LINGO1: variants seen among roughly 807,000 people sequenced by gnomAD.
The protein encoded by LINGO1 is leucine-rich repeat and immunoglobulin-like domain-containing nogo receptor-interacting protein 1.
In LINGO1, 11 loss-of-function variants were observed where a neutral mutation model predicts 37.3. The ratio of observed to expected loss-of-function variants is 0.29; its 90% confidence interval spans 0.19 to 0.49. LINGO1 has a LOEUF of 0.49. LINGO1 is among the 20% of genes least tolerant of loss of function. LINGO1 has a pLI of 0.99. For missense variants in LINGO1, 585 were observed against 878.2 expected (o/e 0.67, Z 4.22); for synonymous variants, 387 against 403.0 (o/e 0.96, Z 0.48).
In LINGO1 at chr15:77,615,091, G is replaced by A; in HGVS notation, c.816C>T (p.His272=). The A allele has an allele frequency of 1.2e-6, 2 of 1,614,060 alleles. No individual in the cohort carries two copies. The highest frequency in any genetic ancestry group is 1.7e-6 in the Non-Finnish European group (2 of 1,179,908). The change falls in exon 2 of 2, where the codon CAC becomes CAT. Residue 272 remains histidine (H), a synonymous_variant. Coordinates refer to ENST00000355300, the MANE Select transcript of LINGO1 (RefSeq NM_032808.7). ...GGTAGGGCACAGCGGTCAGATTGCA[G>A]TGTGTGATGGACAGGGACGTCAGGT... ...GLNLTSLSIT[H]CNLTAVPYLA...
Position 77,692,442 on chromosome 15 carries a change from C to A in LINGO1, c.-280-1541G>T, listed in dbSNP as rs139640301. On this transcript the variant is annotated intron_variant, in intron 1 of 3. Transcript: ENST00000559893. Reference sequence around the variant, plus strand: ...GGAGAGTTTTTCTCCTTTTTAATTTCATGGCAAATCTTTTGTATGGCAATT... The same window carrying A: ...GGAGAGTTTTTCTCCTTTTTAATTTAATGGCAAATCTTTTGTATGGCAATT... Among the ~76,000 whole-genome samples, 701 of 152,272 alleles carry A rather than the reference C, an allele frequency of 4.6e-3. 7 individuals are homozygous for A. Among genetic ancestry groups the A allele is most frequent in the African/African-American group, 0.016 (675 of 41,548 alleles).
chr15:77,723,798 G>A (rs2076074641), intron 2 of LINGO1, among the ~76,000 whole-genome samples: 1 of 152,198 alleles, frequency 6.6e-6, no homozygotes, highest in Non-Finnish European at 1.5e-5. Flanking sequence ...CCCCAGCTGG[G>A]GGGCATCAGG....
At chr15:77,810,459 C>T (rs1018028065) in intron 1 of LINGO1, among the ~76,000 whole-genome samples, 2 of 152,178 alleles carry the variant, frequency 1.3e-5, no homozygotes, top group South Asian at 2.1e-4. Flanking sequence ...GCAGCCCTTC[C>T]GCAGCTGATC....
chr15:77,681,938 G>A (rs561511507), intron 2 of LINGO1, among the ~76,000 whole-genome samples: 5 of 152,218 alleles, frequency 3.3e-5, no homozygotes, highest in East Asian at 3.9e-4. Context: ...ACACGCCCTC[G>A]AGGAGGGTAC....
At chr15:77,692,248 T>C (rs2075617019) in intron 1 of LINGO1, among the ~76,000 whole-genome samples, 1 of 152,208 alleles carries the variant, frequency 6.6e-6, no homozygotes, top group African/African-American at 2.4e-5. Context: ...GAGGGAACAA[T>C]GATTACCTCT....
chr15:77,626,835 T>C (rs1748366516), intron 1 of LINGO1, among the ~76,000 whole-genome samples: 1 of 152,122 alleles, frequency 6.6e-6, no homozygotes, highest in African/African-American at 2.4e-5. Flanking sequence ...GCTGAGACCA[T>C]GGATCAAGGC....
At chr15:77,800,577 TA>T (rs563431737) in intron 1 of LINGO1, among the ~76,000 whole-genome samples, 222 of 152,318 alleles carry the variant, frequency 1.5e-3, no homozygotes, top group Non-Finnish European at 2.8e-3. Flanking sequence ...GGAAGGAGCC[TA>T]CAAACCAGGG....
intron 2 of LINGO1, among the ~76,000 whole-genome samples, chr15:77,725,074 G>A (rs1231987231): frequency 6.6e-6 from 1 of 152,208 alleles, no homozygotes; most frequent in Non-Finnish European, 1.5e-5. Context: ...TTTCCTGATG[G>A]TGGGGCTCCC....
chr15:77,635,581 T>C (rs770194246), upstream of LINGO1, among the ~76,000 whole-genome samples: 8 of 147,002 alleles, frequency 5.4e-5, no homozygotes, highest in Non-Finnish European at 1.2e-4. Context: ...CAGGGGATCA[T>C]GTCCAGGAGC....
chr15:77,705,178 C>G (rs2141282050), intron 2 of LINGO1, among the ~76,000 whole-genome samples: 1 of 146,852 alleles, frequency 6.8e-6, no homozygotes, highest in East Asian at 2.0e-4. Flanking sequence ...TGCCATGACA[C>G]ACACACACAC....
intron 1 of LINGO1, among the ~76,000 whole-genome samples, chr15:77,621,066 T>TTTTTC (rs1290045303): frequency 2.6e-5 from 4 of 151,902 alleles, no homozygotes; most frequent in African/African-American, 9.7e-5. Context: ...GCCTTTTTTT[T>TTTTTC]TTCTTTTAGA....
At chr15:77,724,636 C>T (rs888450518) in intron 2 of LINGO1, among the ~76,000 whole-genome samples, 1 of 152,174 alleles carries the variant, frequency 6.6e-6, no homozygotes, top group Non-Finnish European at 1.5e-5. Flanking sequence ...AGGTCAGCAC[C>T]CACTTCATGG....
chr15:77,728,082 T>C (rs1164325240), intron 2 of LINGO1, among the ~76,000 whole-genome samples: 1 of 152,204 alleles, frequency 6.6e-6, no homozygotes, highest in African/African-American at 2.4e-5. Context: ...GAGCCCCAGG[T>C]CAGGGCTGTG....
intron 1 of LINGO1, 135 bp from the exon 2 acceptor site, chr15:77,616,035 T>C: frequency 1.7e-6 from 1 of 582,682 alleles, no homozygotes; most frequent in Non-Finnish European, 2.8e-6. Flanking sequence ...AGGGTCCAGA[T>C]GCCCAGGCCA....
chr15:77,684,908 C>G (rs1448150236), intron 2 of LINGO1, among the ~76,000 whole-genome samples: 1 of 152,116 alleles, frequency 6.6e-6, no homozygotes, highest in South Asian at 2.1e-4. Context: ...AGGGGCTGGG[C>G]AACAAGCTCG....
At chr15:77,638,528 G>A (rs1418856237), upstream of LINGO1, among the ~76,000 whole-genome samples, 1 of 152,212 alleles carries the variant, frequency 6.6e-6, no homozygotes, top group African/African-American at 2.4e-5. Context: ...TCATGTCAGG[G>A]GGAATTTGAG....
chr15:77,791,556 G>A (rs1321837580), upstream of LINGO1, among the ~76,000 whole-genome samples: 1 of 151,862 alleles, frequency 6.6e-6, no homozygotes, highest in Non-Finnish European at 1.5e-5. Context: ...ACCATGAAAG[G>A]CCTTGTACAA....
At chr15:77,671,140 AG>A (rs1183146337) in intron 3 of LINGO1, among the ~76,000 whole-genome samples, 2 of 142,612 alleles carry the variant, frequency 1.4e-5, no homozygotes, top group African/African-American at 5.5e-5. Flanking sequence ...GGTGAGTACA[AG>A]GGAACAGCGG....
intron 1 of LINGO1, among the ~76,000 whole-genome samples, chr15:77,738,326 G>T (rs2076222989): frequency 6.6e-6 from 1 of 152,128 alleles, no homozygotes; most frequent in Non-Finnish European, 1.5e-5. Context: ...GGTACAGACT[G>T]AAGTCCAAAC....
Sources: gnomAD v4.1 joint callset for allele counts (sites outside exome capture counted in the v4.1 genomes callset) on GRCh38, gnomAD v4.1.1 for gene constraint, MANE v1.5 for transcripts, NCBI Gene and HGNC (gene_info 2026-07-23, HGNC 2026-07-21) for gene names.